Variants in CDH22 observed in about 807,000 individuals in gnomAD.
CDH22 encodes the protein cadherin 22.
Under a neutral mutation model 58.4 loss-of-function variants are expected in CDH22, and 30 were observed. The ratio of observed to expected loss-of-function variants is 0.51; its 90% confidence interval spans 0.38 to 0.70. CDH22 has a LOEUF of 0.70. CDH22 is among the 30% of genes least tolerant of loss of function. The pLI, the probability that CDH22 is intolerant of heterozygous loss-of-function variation, is 0.00. For missense variants in CDH22, 1,014 were observed against 1,233.9 expected, an observed-to-expected ratio of 0.82 and a Z score of 2.67; for synonymous variants, 513 against 558.2, an observed-to-expected ratio of 0.92 and a Z score of 1.14.
At chr20:46,256,709 G>A (rs2086408339) in intron 1 of CDH22, among the ~76,000 whole-genome samples, 1 of 152,166 alleles carries the variant, frequency 6.6e-6, no homozygotes, top group Non-Finnish European at 1.5e-5. Context: ...TGTTTTAAAA[G>A]ATCATTCCGG....
intron 7 of CDH22, 112 bp from the exon 8 acceptor site, chr20:46,199,671 A>C: frequency 4.5e-6 from 6 of 1,327,062 alleles, no homozygotes; most frequent in Non-Finnish European, 6.1e-6. Flanking sequence ...GGACACACAC[A>C]AGGGGCAGAG....
At chr20:46,244,748 T>A (rs2086316375) in intron 2 of CDH22, among the ~76,000 whole-genome samples, 1 of 152,152 alleles carries the variant, frequency 6.6e-6, no homozygotes, top group Non-Finnish European at 1.5e-5. Flanking sequence ...AGGAGTGGGT[T>A]ACTGGGTGGC....
At chr20:46,268,074 G>T (rs2086469999) in intron 1 of CDH22, among the ~76,000 whole-genome samples, 1 of 152,266 alleles carries the variant, frequency 6.6e-6, no homozygotes, top group South Asian at 2.1e-4. Context: ...ATGGGTTTCT[G>T]TCCCCTCACC....
At chr20:46,195,617 C>G (rs533134839) in intron 8 of CDH22, among the ~76,000 whole-genome samples, 1 of 143,438 alleles carries the variant, frequency 7.0e-6, no homozygotes, top group South Asian at 2.5e-4. Context: ...CCCCTAGACC[C>G]CCCCCCCACC....
intron 1 of CDH22, among the ~76,000 whole-genome samples, chr20:46,296,320 G>A (rs977563997): frequency 6.6e-5 from 10 of 152,270 alleles, no homozygotes; most frequent in South Asian, 2.1e-4. Context: ...TCATTATCTC[G>A]TTCATTCCAG....
intron 10 of CDH22, among the ~76,000 whole-genome samples, chr20:46,185,619 G>T (rs2067828301): frequency 6.6e-6 from 1 of 152,148 alleles, no homozygotes; most frequent in South Asian, 2.1e-4. Flanking sequence ...TATAATCTCA[G>T]CTCTTTGGGA....
At chr20:46,188,740 T>C (rs895149023) in intron 8 of CDH22, among the ~76,000 whole-genome samples, 1 of 152,234 alleles carries the variant, frequency 6.6e-6, no homozygotes, top group Non-Finnish European at 1.5e-5. Context: ...TGGTGCTTTC[T>C]AACCCCTCAC....
intron 1 of CDH22, among the ~76,000 whole-genome samples, chr20:46,291,429 C>T (rs1342614277): frequency 6.6e-6 from 1 of 152,202 alleles, no homozygotes; most frequent in African/African-American, 2.4e-5. Context: ...ATGGGTACTA[C>T]CATAATCCCC....
At chr20:46,304,282 T>G (rs181943262) in intron 1 of CDH22, among the ~76,000 whole-genome samples, 1 of 152,268 alleles carries the variant, frequency 6.6e-6, no homozygotes, top group Admixed American at 6.5e-5. Flanking sequence ...GGAATATAAA[T>G]GGAGGGATAT....
chr20:46,197,297 T>G (rs969555612), intron 8 of CDH22, among the ~76,000 whole-genome samples: 1 of 123,036 alleles, frequency 8.1e-6, no homozygotes, highest in Non-Finnish European at 1.7e-5. Context: ...TAGGCCAGGA[T>G]ATATATATAT....
chr20:46,271,941 T>C lies in CDH22; in HGVS notation c.-399-20248A>G, dbSNP rs534002479. Reference sequence around the variant, plus strand: ...CTGCTCTCTCATGCCTCCACTTAGATGCCTCCAAAAAACTTCAAACTCAAC... The same window carrying C: ...CTGCTCTCTCATGCCTCCACTTAGACGCCTCCAAAAAACTTCAAACTCAAC... On this transcript the variant is annotated intron_variant, in intron 1 of 11. Coordinates refer to ENST00000537909, the MANE Select transcript of CDH22 (RefSeq NM_021248.3). Among the ~76,000 whole-genome samples the C allele has an allele frequency of 6.6e-5, 10 of 152,314 alleles. No individual in the cohort carries two copies. The South Asian group carries it at 2.1e-3, about 32-fold the overall frequency.
At chr20:46,186,534 A>C in intron 10 of CDH22, 54 bp downstream of exon 10, 1 of 1,254,640 alleles carries the variant, frequency 8.0e-7, no homozygotes, top group Non-Finnish European at 1.2e-6. Flanking sequence ...ATATGGGAAC[A>C]GGGCAGGGAG....
intron 3 of CDH22, among the ~76,000 whole-genome samples, chr20:46,231,762 A>G (rs2086221841): frequency 6.6e-6 from 1 of 152,196 alleles, no homozygotes; most frequent in African/African-American, 2.4e-5. Flanking sequence ...TCGCATCTCC[A>G]TGGAGACTGG....
At chr20:46,211,363 C>T (rs1472964534) in intron 6 of CDH22, among the ~76,000 whole-genome samples, 1 of 152,146 alleles carries the variant, frequency 6.6e-6, no homozygotes. Context: ...TGTATGGGGT[C>T]CCCCCATTGC....
In CDH22 at chr20:46,227,635, C is replaced by G. The variant is rs1309170636; in HGVS notation, c.551-8G>C. ...CCTGCATCACCGACGTGCCTGGGCC[C>G]GGGGGACCAAGCGAGACAGGGGTCA... On this transcript the variant is annotated splice_polypyrimidine_tract_variant and splice_region_variant and intron_variant, in intron 3 of 11. Coordinates refer to ENST00000537909, the MANE Select transcript of CDH22 (RefSeq NM_021248.3). 3.7e-6 allele frequency: 6 copies of G among 1,608,296 alleles called. No individual in the cohort carries two copies. The highest frequency in any genetic ancestry group is 2.3e-5 in the East Asian group (1 of 44,440).
At chr20:46,291,303 C>G (rs1568684445) in intron 1 of CDH22, among the ~76,000 whole-genome samples, 1 of 151,926 alleles carries the variant, frequency 6.6e-6, no homozygotes, top group African/African-American at 2.4e-5. Flanking sequence ...ATAAATAAAA[C>G]AAAAAACAAA....
intron 7 of CDH22, among the ~76,000 whole-genome samples, chr20:46,206,513 T>C (rs2086003015): frequency 6.6e-6 from 1 of 152,162 alleles, no homozygotes; most frequent in Non-Finnish European, 1.5e-5. Flanking sequence ...ACCTCATGTC[T>C]TCATTTCCAG....
chr20:46,244,671 T>C (rs1321084631), intron 2 of CDH22, among the ~76,000 whole-genome samples: 2 of 152,186 alleles, frequency 1.3e-5, no homozygotes, highest in South Asian at 2.1e-4. Flanking sequence ...CTGCAGTCTC[T>C]GGGAATCTGG....
At chr20:46,281,918 C>T (rs188872842) in intron 1 of CDH22, among the ~76,000 whole-genome samples, 7 of 152,180 alleles carry the variant, frequency 4.6e-5, no homozygotes, top group South Asian at 2.1e-4. Context: ...ATGTCTGATG[C>T]GGGTGCTACT....
Sources: allele counts gnomAD v4.1 joint callset (sites outside exome capture counted in the v4.1 genomes callset), GRCh38; gene constraint gnomAD v4.1.1; transcripts MANE v1.5; gene names NCBI Gene and HGNC (gene_info 2026-07-23, HGNC 2026-07-21).